Variants in TMPRSS15 observed in about 807,000 individuals in gnomAD.
The protein encoded by TMPRSS15 is transmembrane serine protease 15, also known as enteropeptidase.
Under a neutral mutation model 125.3 loss-of-function variants are expected in TMPRSS15, and 128 were observed. The ratio of observed to expected loss-of-function variants is 1.02; its 90% CI spans 0.89 to 1.18. The LOEUF (loss-of-function observed/expected upper bound fraction) is 1.18. TMPRSS15 is among the 50% of genes most tolerant of loss of function. The pLI is 0.00. For synonymous variants in TMPRSS15, 446 were observed against 423.2 expected (o/e 1.05, Z -0.66); for missense variants, 1,283 against 1,212.7 (o/e 1.06, Z -0.86).
intron 1 of TMPRSS15, among the ~76,000 whole-genome samples, chr21:18,474,690 T>A (rs529871322): frequency 6.6e-6 from 1 of 152,214 alleles, no homozygotes. Flanking sequence ...AAGAGCTAAA[T>A]AGCCAAAAGC....
At chr21:18,313,823 T>C (rs943561149) in intron 17 of TMPRSS15, among the ~76,000 whole-genome samples, 4 of 150,036 alleles carry the variant, frequency 2.7e-5, no homozygotes, top group African/African-American at 9.8e-5. Context: ...TATATAAGAG[T>C]ATATATAAAC....
intron 3 of TMPRSS15, among the ~76,000 whole-genome samples, chr21:18,385,860 T>C (rs898538294): frequency 7.9e-5 from 12 of 151,918 alleles, no homozygotes; most frequent in African/African-American, 2.7e-4. Flanking sequence ...TCTCCTGCCT[T>C]AGCCTCCTGA....
intron 17 of TMPRSS15, 109 bp from the exon 18 acceptor site, chr21:18,313,186 T>A (rs2075119961): frequency 1.3e-6 from 1 of 777,932 alleles, no homozygotes; most frequent in Admixed American, 1.9e-5. Flanking sequence ...AGGAATAAGT[T>A]CATGAGATCT....
chr21:18,340,529 CTG>C (rs746911395), intron 13 of TMPRSS15, among the ~76,000 whole-genome samples: 13 of 152,160 alleles, frequency 8.5e-5, no homozygotes, highest in Non-Finnish European at 1.6e-4. Context: ...CTTAAAAACT[CTG>C]TTTCATATAC....
At chr21:18,428,721 T>A (rs535447395) in intron 1 of TMPRSS15, among the ~76,000 whole-genome samples, 1 of 152,262 alleles carries the variant, frequency 6.6e-6, no homozygotes, top group South Asian at 2.1e-4. Context: ...GATTTCAGAA[T>A]ATGTATGGAA....
At chr21:18,388,293 A>G (rs1418761719) in intron 3 of TMPRSS15, among the ~76,000 whole-genome samples, 6 of 152,168 alleles carry the variant, frequency 3.9e-5, no homozygotes, top group African/African-American at 1.4e-4. Flanking sequence ...GTAGCTATAA[A>G]GGAGGGGAAA....
intron 16 of TMPRSS15, among the ~76,000 whole-genome samples, chr21:18,316,390 C>T (rs1375587630): frequency 6.6e-6 from 1 of 152,126 alleles, no homozygotes; most frequent in Non-Finnish European, 1.5e-5. Context: ...ATGATACTTC[C>T]AAAACTTTGT....
chr21:18,350,209 A>G (rs560719808), intron 10 of TMPRSS15, among the ~76,000 whole-genome samples: 1 of 152,228 alleles, frequency 6.6e-6, no homozygotes, highest in East Asian at 1.9e-4. Flanking sequence ...TTTTCCATGG[A>G]GAATCAGGCA....
At chr21:18,435,859 G>A (rs1211395589) in intron 1 of TMPRSS15, among the ~76,000 whole-genome samples, 1 of 152,086 alleles carries the variant, frequency 6.6e-6, no homozygotes, top group Non-Finnish European at 1.5e-5. Flanking sequence ...TTTAGTCTTG[G>A]GAGAGTGTAT....
intron 1 of TMPRSS15, among the ~76,000 whole-genome samples, chr21:18,485,253 A>C (rs1022813448): frequency 6.6e-6 from 1 of 151,942 alleles, no homozygotes; most frequent in African/African-American, 2.4e-5. Flanking sequence ...GTACACAAAT[A>C]ATTTCATCTG....
intron 6 of TMPRSS15, among the ~76,000 whole-genome samples, chr21:18,369,730 T>C (rs2147041812): frequency 6.6e-6 from 1 of 152,186 alleles, no homozygotes; most frequent in South Asian, 2.1e-4. Flanking sequence ...TTTCCATGAA[T>C]ATAGATTGAT....
At chr21:18,305,220 C>T (rs866062203) in intron 18 of TMPRSS15, among the ~76,000 whole-genome samples, 1 of 122,300 alleles carries the variant, frequency 8.2e-6, no homozygotes, top group African/African-American at 3.3e-5. Context: ...ACGGAGTCTC[C>T]CTCTGTCGCC....
intron 1 of TMPRSS15, among the ~76,000 whole-genome samples, chr21:18,423,566 A>G (rs1344892449): frequency 2.3e-4 from 33 of 145,724 alleles, no homozygotes; most frequent in South Asian, 8.7e-4. Flanking sequence ...CCGCCACCAC[A>G]CCCGGCTAAT....
intron 15 of TMPRSS15, 129 bp from the exon 16 acceptor site, chr21:18,326,701 A>G (rs779261448): frequency 2.5e-5 from 25 of 985,978 alleles, no homozygotes; most frequent in Non-Finnish European, 3.8e-5. Context: ...TAGAGCAGCC[A>G]CAAGTAAATG....
chr21:18,347,131 C>G (rs1174832380), intron 10 of TMPRSS15, among the ~76,000 whole-genome samples: 1 of 151,974 alleles, frequency 6.6e-6, no homozygotes, highest in Non-Finnish European at 1.5e-5. Context: ...TTAAATCAAA[C>G]TGTCATCTCC....
chr21:18,332,287 T>A, intron 13 of TMPRSS15, 114 bp from the exon 14 acceptor site: 1 of 946,358 alleles, frequency 1.1e-6, no homozygotes, highest in Non-Finnish European at 1.7e-6. Flanking sequence ...TTTTGGCAAG[T>A]AAATTTTAGA....
At chr21:18,271,347 G>A (rs545963886) in intron 24 of TMPRSS15, among the ~76,000 whole-genome samples, 2 of 152,194 alleles carry the variant, frequency 1.3e-5, no homozygotes, top group South Asian at 4.1e-4. Flanking sequence ...GGAGTAACTT[G>A]TTTTTTTACA....
chr21:18,384,919 C>T (rs2075929256), intron 3 of TMPRSS15, among the ~76,000 whole-genome samples: 1 of 151,998 alleles, frequency 6.6e-6, no homozygotes, highest in Non-Finnish European at 1.5e-5. Flanking sequence ...ATTTTTTCTT[C>T]CATGACTGGA....
chr21:18,365,460 C>T lies in TMPRSS15; in HGVS notation c.665-212G>A, dbSNP rs1018301991. Among the ~76,000 whole-genome samples the T allele has an allele frequency of 3.3e-5, 5 of 151,438 alleles. No individual in the cohort carries two copies. The East Asian group carries it at 9.7e-4, about 29-fold the overall frequency. ...AATATTTTGGAAAAATTCTTTCTTT[C>T]TCTCTCTCTCTTTCTCTCTTTCTTT... is the stretch of plus-strand genomic sequence containing the variant. On this transcript the variant is annotated intron_variant, in intron 6 of 24. Transcript: ENST00000284885.
Sources: gnomAD v4.1 joint callset for allele counts (sites outside exome capture counted in the v4.1 genomes callset) on GRCh38, gnomAD v4.1.1 for gene constraint, MANE v1.5 for transcripts, NCBI Gene and HGNC (gene_info 2026-07-23, HGNC 2026-07-21) for gene names.